FAM110B: variants seen among roughly 807,000 people sequenced by gnomAD.
The protein encoded by FAM110B is protein FAM110B.
In FAM110B, 6 loss-of-function variants were observed where a neutral mutation model predicts 20.4. The observed-to-expected ratio is 0.29, with a 90% CI of 0.16 to 0.58. The LOEUF is 0.58. FAM110B is among the 20% of genes least tolerant of loss of function. FAM110B has a pLI of 0.90. For synonymous variants in FAM110B, 226 were observed against 214.1 expected (o/e 1.06, Z -0.49); for missense variants, 434 against 498.2 (o/e 0.87, Z 1.23).
At position 58,088,152 on chromosome 8, in the gene FAM110B, A is replaced by G. The variant is rs1482035320; in HGVS notation, c.-325+12529A>G. On this transcript the variant is annotated intron_variant, in intron 3 of 3. Transcript: ENST00000519262. ...AGTTTTAAGTAACACACAGACTATC[A>G]AAATGTATTTATTTTACACCTGTTG... 2.0e-5 allele frequency among the ~76,000 whole-genome samples: 3 copies of G among 152,372 alleles called. No homozygotes were observed. In the East Asian group the frequency reaches 5.8e-4, roughly 29 times the overall value.
At chr8:58,107,941 A>G (rs923753464) in intron 3 of FAM110B, among the ~76,000 whole-genome samples, 3 of 152,232 alleles carry the variant, frequency 2.0e-5, no homozygotes, top group African/African-American at 7.2e-5. Context: ...AGCTCACAGT[A>G]AATCTGAGAG....
At chr8:58,065,822 G>A (rs1276080193) in intron 2 of FAM110B, among the ~76,000 whole-genome samples, 1 of 152,120 alleles carries the variant, frequency 6.6e-6, no homozygotes, top group African/African-American at 2.4e-5. Flanking sequence ...TCTCAAAGCA[G>A]ATACTATATG....
intron 3 of FAM110B, among the ~76,000 whole-genome samples, chr8:58,110,381 G>C (rs1193696296): frequency 6.6e-6 from 1 of 152,122 alleles, no homozygotes; most frequent in East Asian, 1.9e-4. Flanking sequence ...TTGTACAGAA[G>C]AGAAAGGAAA....
intron 3 of FAM110B, among the ~76,000 whole-genome samples, chr8:58,135,236 A>G (rs995857878): frequency 6.6e-6 from 1 of 152,200 alleles, no homozygotes; most frequent in African/African-American, 2.4e-5. Context: ...AGGGATGTTC[A>G]CGGGATGGAA....
chr8:58,031,571 A>G (rs1403337451), intron 1 of FAM110B, 35 bp from the exon 2 acceptor site: 3 of 152,230 alleles, frequency 2.0e-5, no homozygotes, highest in Non-Finnish European at 1.5e-5. Flanking sequence ...TTTATTCTCC[A>G]GCATAATTTT....
chr8:58,124,295 T>G (rs1563378329), intron 3 of FAM110B, among the ~76,000 whole-genome samples: 1 of 152,186 alleles, frequency 6.6e-6, no homozygotes, highest in South Asian at 2.1e-4. Context: ...CTAATGACAA[T>G]GAAATTGTGA....
chr8:58,026,593 G>C (rs1804860340), intron 1 of FAM110B, among the ~76,000 whole-genome samples: 1 of 152,096 alleles, frequency 6.6e-6, no homozygotes. Context: ...CTTGGTGTGT[G>C]AAAGTCCCGT....
At chr8:58,064,738 C>T (rs1392640569) in intron 2 of FAM110B, among the ~76,000 whole-genome samples, 1 of 152,162 alleles carries the variant, frequency 6.6e-6, no homozygotes, top group Non-Finnish European at 1.5e-5. Flanking sequence ...ACACAACATC[C>T]TCCTCCAAAT....
chr8:58,109,452 G>A (rs1807004793), intron 3 of FAM110B, among the ~76,000 whole-genome samples: 1 of 152,148 alleles, frequency 6.6e-6, no homozygotes, highest in Non-Finnish European at 1.5e-5. Context: ...TCAAGAAAAG[G>A]CACAGTAGCT....
intron 1 of FAM110B, among the ~76,000 whole-genome samples, chr8:58,019,336 C>CAAAAAA (rs61622368): frequency 5.1e-5 from 4 of 78,370 alleles, no homozygotes; most frequent in Admixed American, 2.0e-4. Flanking sequence ...GACTCTGTCT[C>CAAAAAA]AAAAAAAAAA....
intron 3 of FAM110B, among the ~76,000 whole-genome samples, chr8:58,117,346 G>A (rs1427787101): frequency 6.6e-6 from 1 of 152,192 alleles, no homozygotes; most frequent in Non-Finnish European, 1.5e-5. Context: ...AGAGCCAGAA[G>A]AAAACTGCAG....
At chr8:58,059,145 A>G (rs575466585) in intron 2 of FAM110B, among the ~76,000 whole-genome samples, 12 of 152,324 alleles carry the variant, frequency 7.9e-5, no homozygotes, top group African/African-American at 2.6e-4. Flanking sequence ...GGTGAATAAT[A>G]TCCATTGTCT....
intron 3 of FAM110B, among the ~76,000 whole-genome samples, chr8:58,145,459 A>C (rs17255646): frequency 0.2 from 31,027 of 152,128 alleles, 3,546 homozygotes; most frequent in South Asian, 0.3. Flanking sequence ...TCATTGCAAA[A>C]GAGATAATTC....
intron 1 of FAM110B, among the ~76,000 whole-genome samples, chr8:58,000,222 TGGA>T (rs1804266222): frequency 6.6e-6 from 1 of 152,230 alleles, no homozygotes; most frequent in African/African-American, 2.4e-5. Flanking sequence ...CAGGGCCTTA[TGGA>T]CCACAGCGGA....
intron 2 of FAM110B, chr8:58,032,480 A>C (rs931188768): frequency 6.6e-5 from 10 of 152,146 alleles, no homozygotes; most frequent in African/African-American, 2.4e-4. Flanking sequence ...TTCTTTAATT[A>C]TTTTTTCTCC....
chr8:58,002,596 T>A (rs921894385), intron 1 of FAM110B, among the ~76,000 whole-genome samples: 1 of 152,178 alleles, frequency 6.6e-6, no homozygotes. Flanking sequence ...AGACAAATTG[T>A]GGGTTTGATT....
At chr8:58,001,720 T>C (rs1804300753) in intron 1 of FAM110B, among the ~76,000 whole-genome samples, 1 of 152,142 alleles carries the variant, frequency 6.6e-6, no homozygotes, top group African/African-American at 2.4e-5. Flanking sequence ...TATTAGCAAA[T>C]ACCTTTATAC....
At chr8:58,052,734 G>C (rs1490832366) in intron 2 of FAM110B, among the ~76,000 whole-genome samples, 4 of 148,066 alleles carry the variant, frequency 2.7e-5, no homozygotes, top group Non-Finnish European at 4.5e-5. Flanking sequence ...GCAATGGGTG[G>C]TTATAAGCCT....
chr8:58,067,130 A>G (rs1424514471), intron 2 of FAM110B, among the ~76,000 whole-genome samples: 6 of 152,226 alleles, frequency 3.9e-5, no homozygotes. Flanking sequence ...TCCAAGGGGA[A>G]AAAGCTGTAA....
Sources: allele counts gnomAD v4.1 joint callset (sites outside exome capture counted in the v4.1 genomes callset), GRCh38; gene constraint gnomAD v4.1.1; transcripts MANE v1.5; gene names NCBI Gene and HGNC (gene_info 2026-07-23, HGNC 2026-07-21).